The following ZNF385D variants were observed in gnomAD, a reference collection of about 807,000 sequenced individuals.
ZNF385D encodes zinc finger protein 659.
In ZNF385D, 15 loss-of-function variants were observed where a neutral mutation model predicts 35.8. The observed-to-expected ratio is 0.42, with a 90% CI of 0.28 to 0.64. ZNF385D has a LOEUF of 0.64. Among genes scored for constraint, ZNF385D ranks in the 30% least tolerant of loss-of-function variants. The pLI is 0.23. For synonymous variants in ZNF385D, 212 were observed against 186.8 expected (o/e 1.13, Z -1.10); for missense variants, 474 against 494.6 (o/e 0.96, Z 0.39).
At position 21,530,908 on chromosome 3, in the gene ZNF385D, T is replaced by G. The variant is rs1296283054; in HGVS notation, c.277-19885A>C. ...ATGCACTTGTTCTTACATCAAATGT[T>G]GTTACAATCCATACCATGTTTAAAC... On this transcript the variant is annotated intron_variant, in intron 3 of 7. Transcript: ENST00000281523. 4.6e-5 allele frequency among the ~76,000 whole-genome samples: 7 copies of G among 152,264 alleles called. No homozygotes were observed. In the East Asian group the frequency reaches 1.4e-3, roughly 29 times the overall value.
intron 3 of ZNF385D, among the ~76,000 whole-genome samples, chr3:21,851,518 G>A (rs574233339): frequency 5.2e-4 from 79 of 151,878 alleles, no homozygotes; most frequent in African/African-American, 1.7e-3. Flanking sequence ...AAAATCTCTC[G>A]TGTCCTTAAA....
intron 1 of ZNF385D, among the ~76,000 whole-genome samples, chr3:21,688,463 A>T (rs534832504): frequency 3.3e-5 from 5 of 152,300 alleles, no homozygotes; most frequent in African/African-American, 1.2e-4. Context: ...GAAGGAAAAG[A>T]TCATGAATAC....
intron 3 of ZNF385D, among the ~76,000 whole-genome samples, chr3:21,975,419 G>A (rs1053746895): frequency 6.6e-6 from 1 of 151,994 alleles, no homozygotes; most frequent in African/African-American, 2.4e-5. Context: ...AGGGTAGTGA[G>A]GATGGGAATA....
At chr3:21,975,947 G>T (rs56097927) in intron 3 of ZNF385D, among the ~76,000 whole-genome samples, 2 of 151,790 alleles carry the variant, frequency 1.3e-5, no homozygotes, top group Admixed American at 1.3e-4. Context: ...CATACTTGAA[G>T]GGTAATATGA....
intron 2 of ZNF385D, among the ~76,000 whole-genome samples, chr3:21,621,865 C>CTGTGTGTG (rs10580512): frequency 4.5e-4 from 66 of 146,244 alleles, no homozygotes; most frequent in African/African-American, 1.6e-3. Context: ...CCTGTTACCA[C>CTGTGTGTG]TGTGTGTGTG....
rs368369000 is a variant in ZNF385D, at chr3:22,340,363, G to A, written c.106+32087C>T. ...ACTAATCAAACAAAAAATAAGAAGT[G>A]AGGTGGGCGTGGTGGCTCACACCTG... On this transcript the variant is annotated intron_variant, in intron 2 of 5. Transcript: ENST00000494108. Among the ~76,000 whole-genome samples, 48 of 152,156 alleles carry A rather than the reference G, an allele frequency of 3.2e-4. No homozygotes were observed. In the East Asian group the frequency reaches 3.7e-3, roughly 12 times the overall value.
chr3:21,923,861 T>C (rs1479359014), intron 3 of ZNF385D, among the ~76,000 whole-genome samples: 1 of 152,086 alleles, frequency 6.6e-6, no homozygotes, highest in African/African-American at 2.4e-5. Context: ...AGGAAATGGT[T>C]AATAAACTAA....
At chr3:21,921,825 G>T in intron 3 of ZNF385D, among the ~76,000 whole-genome samples, 1 of 143,174 alleles carries the variant, frequency 7.0e-6, no homozygotes, top group East Asian at 2.1e-4. Context: ...AGCAAGTTTT[G>T]AAACTGAATC....
At chr3:21,783,666 G>C (rs12638755) in intron 3 of ZNF385D, among the ~76,000 whole-genome samples, 21,570 of 151,964 alleles carry the variant, frequency 0.14, 2,050 homozygotes, top group Non-Finnish European at 0.2. Context: ...ACCATGTCTG[G>C]CTCCTTACCT....
chr3:21,970,258 G>C (rs1292979934), intron 3 of ZNF385D, among the ~76,000 whole-genome samples: 1 of 152,102 alleles, frequency 6.6e-6, no homozygotes, highest in Non-Finnish European at 1.5e-5. Context: ...GAGACACAGA[G>C]ATATGTGACT....
At chr3:22,313,491 T>A (rs1002239583) in intron 2 of ZNF385D, among the ~76,000 whole-genome samples, 4 of 152,152 alleles carry the variant, frequency 2.6e-5, no homozygotes, top group Non-Finnish European at 4.4e-5. Flanking sequence ...ATTTCTATTC[T>A]GGTGTGGGAG....
At chr3:22,152,885 A>G (rs1228110606) in intron 3 of ZNF385D, among the ~76,000 whole-genome samples, 1 of 152,130 alleles carries the variant, frequency 6.6e-6, no homozygotes, top group Non-Finnish European at 1.5e-5. Context: ...CTCTAAACCC[A>G]TTGGCCACAC....
At chr3:22,320,168 C>T (rs942035347) in intron 2 of ZNF385D, among the ~76,000 whole-genome samples, 1 of 151,902 alleles carries the variant, frequency 6.6e-6, no homozygotes, top group African/African-American at 2.4e-5. Flanking sequence ...AGAGAAAACC[C>T]GTGTGTTCAT....
At chr3:22,220,371 A>C (rs1417687615) in intron 2 of ZNF385D, among the ~76,000 whole-genome samples, 1 of 152,144 alleles carries the variant, frequency 6.6e-6, no homozygotes, top group African/African-American at 2.4e-5. Flanking sequence ...GCCTCCAGCA[A>C]AAAGTTATCT....
chr3:22,293,205 C>T (rs1036210644), intron 2 of ZNF385D, among the ~76,000 whole-genome samples: 4 of 152,036 alleles, frequency 2.6e-5, no homozygotes, highest in African/African-American at 9.7e-5. Context: ...TTGCATGTGT[C>T]ATAATAATTT....
chr3:21,508,248 T>C (rs1355575406), intron 4 of ZNF385D, among the ~76,000 whole-genome samples: 1 of 152,090 alleles, frequency 6.6e-6, no homozygotes, highest in Non-Finnish European at 1.5e-5. Context: ...TATGTTATCT[T>C]CAAAAGACAA....
rs555341883 is a variant in ZNF385D, at chr3:21,832,552, C to T, written c.326-167524G>A. Among the ~76,000 whole-genome samples the T allele has an allele frequency of 3.3e-5, 5 of 152,266 alleles. No homozygotes were observed. In the East Asian group the frequency reaches 9.7e-4, roughly 29 times the overall value. On this transcript the variant is annotated intron_variant, in intron 3 of 5. Coordinates refer to the ZNF385D transcript ENST00000494108. ...GTTGCTCTCCCTTTTCTAGGAACAT[C>T]TCCCAAACTTTAAGGTCACGGCTGC...
At chr3:21,585,047 T>C (rs1391701273) in intron 2 of ZNF385D, among the ~76,000 whole-genome samples, 2 of 59,446 alleles carry the variant, frequency 3.4e-5, no homozygotes, top group African/African-American at 1.8e-4. Flanking sequence ...ATATAACGAA[T>C]CTTTGTGCCA....
rs34925669 is a variant in ZNF385D, at chr3:21,542,345, C to CTTT, written c.276+22226_276+22228dup. On this transcript the variant is annotated intron_variant, in intron 3 of 7. Transcript: ENST00000281523. ...AGATTCCTGGGTTTTTCTTCTCTTT[C>CTTT]TTTTTTTTTTTTTCCCAGAGATGAT... Among the ~76,000 whole-genome samples, 272 of 143,000 alleles carry CTTT rather than the reference C, an allele frequency of 1.9e-3. 2 individuals are homozygous for CTTT. The highest frequency in any genetic ancestry group is 6.6e-3 in the African/African-American group (258 of 38,822). The allele number at this position is 143,000 out of a possible 152,430, so 93.8% of individuals were successfully genotyped here.
Sources: gnomAD v4.1 joint callset for allele counts (sites outside exome capture counted in the v4.1 genomes callset) on GRCh38, gnomAD v4.1.1 for gene constraint, MANE v1.5 for transcripts, NCBI Gene and HGNC (gene_info 2026-07-23, HGNC 2026-07-21) for gene names.